STIM1: variants seen among roughly 807,000 people sequenced by gnomAD.
STIM1 encodes the protein stromal interaction molecule 1.
Under a neutral mutation model 74.7 loss-of-function variants are expected in STIM1, and 25 were observed. The ratio of observed to expected loss-of-function variants is 0.33; its 90% CI spans 0.24 to 0.47. STIM1 has a LOEUF of 0.47. STIM1 is among the 20% of genes least tolerant of loss of function. The pLI, the probability that STIM1 is intolerant of heterozygous loss-of-function variation, is 1.00. For synonymous variants in STIM1, 328 were observed against 348.8 expected (o/e 0.94, Z 0.66); for missense variants, 728 against 920.8 (o/e 0.79, Z 2.71).
intron 1 of STIM1, among the ~76,000 whole-genome samples, chr11:3,955,077 C>A (rs998435353): frequency 6.6e-6 from 1 of 152,228 alleles, no homozygotes; most frequent in Non-Finnish European, 1.5e-5. Context: ...CATGTGACAA[C>A]ATGGTTGAAT....
At chr11:4,021,360 A>G (rs1289203123) in intron 2 of STIM1, among the ~76,000 whole-genome samples, 2 of 152,244 alleles carry the variant, frequency 1.3e-5, no homozygotes, top group South Asian at 2.1e-4. Context: ...TCCCAGCTTC[A>G]GGCGATCCAC....
intron 2 of STIM1, among the ~76,000 whole-genome samples, chr11:4,014,058 G>T (rs1292748372): frequency 6.6e-6 from 1 of 151,974 alleles, no homozygotes; most frequent in Non-Finnish European, 1.5e-5. Context: ...CTTCAGTTCT[G>T]CTGTGATCTT....
chr11:3,959,804 A>G (rs1415955031), intron 1 of STIM1, among the ~76,000 whole-genome samples: 3 of 152,192 alleles, frequency 2.0e-5, no homozygotes, highest in African/African-American at 7.2e-5. Context: ...AAGCCGTTTC[A>G]TAATAATATA....
chr11:3,940,961 C>T (rs1432867938), intron 1 of STIM1, among the ~76,000 whole-genome samples: 1 of 152,142 alleles, frequency 6.6e-6, no homozygotes, highest in African/African-American at 2.4e-5. Context: ...GACTCTAGAG[C>T]CAGACTGCCT....
chr11:3,944,831 A>G (rs2093052745), intron 1 of STIM1, among the ~76,000 whole-genome samples: 1 of 152,092 alleles, frequency 6.6e-6, no homozygotes, highest in Admixed American at 6.5e-5. Context: ...TCATCCCATC[A>G]TTTCTTGCTA....
intron 2 of STIM1, among the ~76,000 whole-genome samples, chr11:3,992,492 T>C (rs989777458): frequency 2.6e-5 from 4 of 152,160 alleles, no homozygotes; most frequent in Non-Finnish European, 4.4e-5. Context: ...GTTGTTAAAG[T>C]TCTTTATATA....
intron 2 of STIM1, among the ~76,000 whole-genome samples, chr11:4,006,667 G>A: frequency 6.6e-6 from 1 of 152,176 alleles, no homozygotes; most frequent in East Asian, 1.9e-4. Context: ...GCCCACCTCT[G>A]GTTCCCAAAG....
chr11:4,088,173 A>G (rs1037439466), intron 12 of STIM1, among the ~76,000 whole-genome samples: 1 of 152,160 alleles, frequency 6.6e-6, no homozygotes, highest in African/African-American at 2.4e-5. Flanking sequence ...ATTCTTGCTA[A>G]TACCCAAGAT....
intron 2 of STIM1, among the ~76,000 whole-genome samples, chr11:3,995,365 A>C (rs2093653908): frequency 6.6e-6 from 1 of 152,082 alleles, no homozygotes; most frequent in Non-Finnish European, 1.5e-5. Context: ...AGATTGTTTA[A>C]GTGGTTGATC....
chr11:3,885,610 G>GTTTTA (rs541367449), intron 1 of STIM1, among the ~76,000 whole-genome samples: 28 of 152,170 alleles, frequency 1.8e-4, no homozygotes, highest in South Asian at 1.5e-3. Context: ...ACACATTCCA[G>GTTTTA]TTTTATTTTA....
At chr11:3,917,509 A>G (rs576241092) in intron 1 of STIM1, among the ~76,000 whole-genome samples, 24 of 147,812 alleles carry the variant, frequency 1.6e-4, no homozygotes, top group African/African-American at 5.1e-4. Flanking sequence ...ATCTTGGTTC[A>G]CTGCAACCTT....
chr11:4,088,895 G>A (rs2094508101), intron 12 of STIM1: 1 of 732,166 alleles, frequency 1.4e-6, no homozygotes, highest in East Asian at 2.9e-5. Context: ...TTCTTATCTT[G>A]CTTTGGCAGT....
At chr11:3,997,873 T>C (rs2135887717) in intron 2 of STIM1, among the ~76,000 whole-genome samples, 1 of 152,190 alleles carries the variant, frequency 6.6e-6, no homozygotes, top group South Asian at 2.1e-4. Context: ...AATCATAGAG[T>C]AGAACAAAAA....
chr11:3,974,403 T>A (rs938898934), intron 2 of STIM1, among the ~76,000 whole-genome samples: 1 of 151,356 alleles, frequency 6.6e-6, no homozygotes, highest in Non-Finnish European at 1.5e-5. Flanking sequence ...AGGCCAGTTG[T>A]GGTGGCTCAC....
intron 1 of STIM1, among the ~76,000 whole-genome samples, chr11:3,862,044 G>C (rs1312195149): frequency 6.6e-6 from 1 of 151,878 alleles, no homozygotes; most frequent in Non-Finnish European, 1.5e-5. Context: ...AGGCTTTTAG[G>C]GAGAAAAAAA....
chr11:4,043,691 CT>C lies in STIM1; in HGVS notation c.386-11826del, dbSNP rs145285551. On this transcript the variant is annotated intron_variant, in intron 3 of 12. Transcript: ENST00000526596. ...GTATATTGGCAATGTGTGTACAAAG[CT>C]TTTTTTTTACAGGTAGATTATGTCA... 2.6e-4 allele frequency among the ~76,000 whole-genome samples: 39 copies of C among 151,062 alleles called. 1 individual carries two copies. In the East Asian group the frequency reaches 7.4e-3, roughly 29 times the overall value.
intron 2 of STIM1, among the ~76,000 whole-genome samples, chr11:4,007,209 A>G (rs1036325176): frequency 1.1e-4 from 16 of 152,158 alleles, no homozygotes; most frequent in African/African-American, 3.6e-4. Context: ...GTATAGTTCT[A>G]GCCAATGTTG....
At chr11:3,965,868 G>T (rs529957842) in intron 1 of STIM1, among the ~76,000 whole-genome samples, 10 of 152,214 alleles carry the variant, frequency 6.6e-5, no homozygotes, top group African/African-American at 2.4e-4. Flanking sequence ...TTAGCCGGGC[G>T]TGGTGGCGCA....
intron 1 of STIM1, among the ~76,000 whole-genome samples, chr11:3,908,901 A>G (rs1448799914): frequency 2.0e-5 from 3 of 152,118 alleles, no homozygotes; most frequent in Admixed American, 2.0e-4. Context: ...CACCTGGAAA[A>G]AGGCCTTTGT....
Sources: gnomAD v4.1 joint callset for allele counts (sites outside exome capture counted in the v4.1 genomes callset) on GRCh38, gnomAD v4.1.1 for gene constraint, MANE v1.5 for transcripts, NCBI Gene and HGNC (gene_info 2026-07-23, HGNC 2026-07-21) for gene names.